The following STK3 variants were observed in gnomAD, a reference collection of about 807,000 sequenced individuals.
STK3 encodes the protein serine/threonine-protein kinase 3.
A neutral mutation model predicts 58.0 loss-of-function variants in STK3; 41 were observed. The ratio of observed to expected loss-of-function variants is 0.71; its 90% CI spans 0.55 to 0.92. STK3 has a LOEUF of 0.92. Ranked by LOEUF, STK3 falls within the 40% of genes least tolerant of loss-of-function variation. STK3 has a pLI of 0.00. For synonymous variants in STK3, 170 were observed against 191.0 expected (o/e 0.89, Z 0.91); for missense variants, 479 against 602.7 (o/e 0.79, Z 2.15).
At chr8:98,714,837 C>A (rs1385038268) in intron 4 of STK3, among the ~76,000 whole-genome samples, 1 of 152,102 alleles carries the variant, frequency 6.6e-6, no homozygotes, top group Non-Finnish European at 1.5e-5. Context: ...CAATCCTAAG[C>A]CAAAGGAACA....
upstream of STK3, among the ~76,000 whole-genome samples, chr8:98,389,918 G>A (rs578165353): frequency 2.6e-5 from 4 of 152,114 alleles, no homozygotes; most frequent in South Asian, 2.1e-4. Flanking sequence ...GAGATGGGAT[G>A]CGACTGAGCA....
At chr8:98,681,942 G>C (rs1341842362) in intron 6 of STK3, among the ~76,000 whole-genome samples, 5 of 152,208 alleles carry the variant, frequency 3.3e-5, no homozygotes, top group Non-Finnish European at 7.3e-5. Flanking sequence ...TTACCTTTGT[G>C]GCAGTGCCAA....
chr8:98,593,994 C>T (rs1484731394), intron 7 of STK3, among the ~76,000 whole-genome samples: 4 of 152,030 alleles, frequency 2.6e-5, no homozygotes, highest in African/African-American at 9.7e-5. Context: ...AGGTAGTACC[C>T]TTTGGACTAC....
intron 6 of STK3, among the ~76,000 whole-genome samples, chr8:98,699,936 T>C (rs1190874925): frequency 1.3e-5 from 2 of 152,284 alleles, no homozygotes; most frequent in African/African-American, 2.4e-5. Context: ...GTTACTGCTG[T>C]CTTTTTGTTT....
chr8:98,839,701 C>A (rs889645999), intron 3 of STK3, among the ~76,000 whole-genome samples: 5 of 151,934 alleles, frequency 3.3e-5, no homozygotes, highest in African/African-American at 1.2e-4. Context: ...GGTTAATTTC[C>A]CTCAGGTATT....
chr8:98,812,091 T>C (rs970548621), intron 1 of STK3, among the ~76,000 whole-genome samples: 6 of 152,120 alleles, frequency 3.9e-5, no homozygotes, highest in Non-Finnish European at 5.9e-5. Context: ...ATTACAGGGG[T>C]GAGCCACCAT....
rs970835170 is a variant in STK3, at chr8:98,800,468, C to A, written c.26+25047G>T. ...CACTCACTCTCAGCACCTCCTCGGC[C>A]TCGGTGTCCACTCTGGCCACGCTTG... On this transcript the variant is annotated intron_variant, in intron 1 of 10. Coordinates refer to ENST00000419617, the MANE Select transcript of STK3 (RefSeq NM_006281.4). The surrounding 1 kb of genome is among the most constrained non-coding windows in gnomAD (Gnocchi z 4.8). Among the ~76,000 whole-genome samples, 2 of 152,216 alleles carry A rather than the reference C, an allele frequency of 1.3e-5. No homozygotes were observed. The highest frequency in any genetic ancestry group is 4.8e-5 in the African/African-American group (2 of 41,464).
At chr8:98,856,928 T>C (rs1836706639) in intron 3 of STK3, among the ~76,000 whole-genome samples, 1 of 151,948 alleles carries the variant, frequency 6.6e-6, no homozygotes, top group African/African-American at 2.4e-5. Context: ...CTTGAAAACA[T>C]TACAGTAAGG....
chr8:98,918,292 C>T (rs1839420605), intron 1 of STK3, among the ~76,000 whole-genome samples: 1 of 152,120 alleles, frequency 6.6e-6, no homozygotes, highest in Admixed American at 6.5e-5. Context: ...GCTGGGGGGT[C>T]AAAGCCCTGC....
chr8:98,481,530 G>C (rs962478788), intron 10 of STK3, among the ~76,000 whole-genome samples: 8 of 152,242 alleles, frequency 5.3e-5, no homozygotes, highest in Middle Eastern at 3.4e-3. Context: ...TTATAAGTGG[G>C]AGCTAAGCTA....
downstream of STK3, chr8:98,881,304 T>G (rs2078576031): frequency 6.6e-6 from 1 of 152,214 alleles, no homozygotes; most frequent in African/African-American, 2.4e-5. Context: ...ATTCCATCTA[T>G]ATGACATTCT....
At chr8:98,696,703 A>C (rs1406427065) in intron 6 of STK3, among the ~76,000 whole-genome samples, 1 of 152,188 alleles carries the variant, frequency 6.6e-6, no homozygotes, top group East Asian at 1.9e-4. Context: ...CCCAGGGATG[A>C]AGCCCACTTG....
rs146802022 is a variant in STK3, at chr8:98,686,086, T to C, written c.684+20381A>G. Reference sequence around the variant, plus strand: ...CTATTAAATAAAACAGAAATCTAAATGATTCTAACATTAAAATGCTAGTTA... The same window carrying C: ...CTATTAAATAAAACAGAAATCTAAACGATTCTAACATTAAAATGCTAGTTA... On this transcript the variant is annotated intron_variant, in intron 6 of 10. Coordinates refer to ENST00000419617, the MANE Select transcript of STK3 (RefSeq NM_006281.4). Among the ~76,000 whole-genome samples the C allele has an allele frequency of 3.3e-3, 510 of 152,274 alleles. 3 individuals are homozygous for C. Among genetic ancestry groups the C allele is most frequent in the African/African-American group, 0.011 (476 of 41,574 alleles).
At chr8:98,776,752 TAA>T (rs906260272) in intron 1 of STK3, among the ~76,000 whole-genome samples, 11 of 128,078 alleles carry the variant, frequency 8.6e-5, no homozygotes, top group Admixed American at 7.9e-5. Context: ...TATGTCAAGA[TAA>T]AAAAAAAAAA....
the STK3 span, among the ~76,000 whole-genome samples, chr8:98,364,920 G>C: frequency 6.6e-6 from 1 of 152,190 alleles, no homozygotes; most frequent in African/African-American, 2.4e-5. Context: ...CATGACTCCA[G>C]TTGCCACCAG....
chr8:98,706,438 A>G (rs377402656), intron 6 of STK3, 29 bp downstream of exon 6: 75 of 1,590,812 alleles, frequency 4.7e-5, no homozygotes, highest in Non-Finnish European at 6.3e-5. Context: ...TATAAGGCTA[A>G]CATTTTCAGC....
chr8:98,825,516 T>G lies in STK3; in HGVS notation c.25A>C (p.Ser9Arg). Residue 9 changes from serine (S) to arginine (R), a missense_variant and splice_region_variant, in exon 1 of 11, where the codon AGT becomes CGT. Around this residue, in one of 3 missense-constraint regions of STK3, gnomAD observed 44 missense variants for 37.0 expected, o/e 1.19. Transcript: ENST00000419617. ...TCTTCCCGCTCCCCGATTCGTTACC[T>G]CTTAGGCGCCGGCGGCTGCTCCATG... MEQPPAPK[S>R]KLKKLSEDSL... 1 of 1,453,154 alleles carries G rather than the reference T, an allele frequency of 6.9e-7. No homozygotes were observed. Among genetic ancestry groups the G allele is most frequent in the Non-Finnish European group, 9.1e-7 (1 of 1,097,500 alleles). 90.0% of individuals were successfully genotyped at this position (1,453,154 alleles called of 1,614,324 possible).
chr8:98,707,977 A>G (rs1826083619), intron 4 of STK3, among the ~76,000 whole-genome samples: 1 of 151,968 alleles, frequency 6.6e-6, no homozygotes, highest in African/African-American at 2.4e-5. Context: ...CGTCTCTACT[A>G]AAAATACAAA....
At position 98,804,494 on chromosome 8, in the gene STK3, T is replaced by C. The variant is rs145164461; in HGVS notation, c.26+21021A>G. Among the ~76,000 whole-genome samples, 173 of 152,372 alleles carry C rather than the reference T, an allele frequency of 1.1e-3. 1 individual carries two copies. Among genetic ancestry groups the C allele is most frequent in the African/African-American group, 4.1e-3 (170 of 41,592 alleles). ...ATAGTGTCTCTCATTATTAGGATGC[T>C]AGTAAACACCAAAGTGGACTCTATC... On this transcript the variant is annotated intron_variant, in intron 1 of 10. Transcript: ENST00000419617.
Sources: allele counts gnomAD v4.1 joint callset (sites outside exome capture counted in the v4.1 genomes callset), GRCh38; gene constraint gnomAD v4.1.1; regional missense constraint gnomAD v4.1.1; non-coding constraint Gnocchi (gnomAD v3.1); transcripts MANE v1.5; gene names NCBI Gene and HGNC (gene_info 2026-07-23, HGNC 2026-07-21).